The following ZMYND8 variants were observed in gnomAD, a reference collection of about 807,000 sequenced individuals.
ZMYND8 encodes the protein zinc finger MYND-type containing 8.
In ZMYND8, 37 loss-of-function variants were observed where a neutral mutation model predicts 140.8. That is an observed-to-expected ratio of 0.26 (90% CI 0.20 to 0.35). ZMYND8 has a LOEUF of 0.35. Ranked by LOEUF, ZMYND8 falls within the 10% of genes least tolerant of loss-of-function variation. The pLI is 1.00. For missense variants in ZMYND8, 1,068 were observed against 1,570.0 expected, an observed-to-expected ratio of 0.68 and a Z score of 5.40; for synonymous variants, 592 against 597.1, an observed-to-expected ratio of 0.99 and a Z score of 0.12.
At chr20:47,234,294 C>T (rs1451972183) in intron 16 of ZMYND8, among the ~76,000 whole-genome samples, 1 of 152,254 alleles carries the variant, frequency 6.6e-6, no homozygotes, top group Non-Finnish European at 1.5e-5. Flanking sequence ...TGCAATCCAC[C>T]CACCTCAGCC....
chr20:47,236,748 T>C (rs908363757), intron 15 of ZMYND8, among the ~76,000 whole-genome samples: 3 of 152,036 alleles, frequency 2.0e-5, no homozygotes, highest in East Asian at 3.8e-4. Flanking sequence ...GAGTGCATGC[T>C]AGGATGACCC....
At chr20:47,256,735 G>C (rs2074761494) in intron 12 of ZMYND8, among the ~76,000 whole-genome samples, 1 of 152,096 alleles carries the variant, frequency 6.6e-6, no homozygotes, top group Admixed American at 6.6e-5. Context: ...CTGGGCCCAG[G>C]CACTCCATGT....
At chr20:47,237,150 C>CTT (rs888571132) in intron 15 of ZMYND8, among the ~76,000 whole-genome samples, 1,574 of 140,676 alleles carry the variant, frequency 0.011, 11 homozygotes, top group African/African-American at 0.017. Context: ...TGGCAGCGCT[C>CTT]TTTTTTTTTT....
intron 8 of ZMYND8, 78 bp from the exon 9 acceptor site, chr20:47,283,726 T>C: frequency 6.9e-7 from 1 of 1,443,122 alleles, no homozygotes; most frequent in Non-Finnish European, 9.6e-7. Flanking sequence ...CTTGATGATT[T>C]TGAAGGTTAA....
chr20:47,279,489 TTAAA>T (rs541312400), intron 10 of ZMYND8, among the ~76,000 whole-genome samples: 3 of 146,616 alleles, frequency 2.0e-5, no homozygotes, highest in Admixed American at 1.4e-4. Context: ...GACCCCCCTC[TTAAA>T]TAAATAAATA....
At chr20:47,211,005 C>A in intron 22 of ZMYND8, 108 bp from the exon 23 acceptor site, 2 of 1,471,702 alleles carry the variant, frequency 1.4e-6, no homozygotes, top group Non-Finnish European at 1.8e-6. Context: ...CTTCCCCTCC[C>A]AATTGATGGT....
In ZMYND8 at chr20:47,268,181, C is replaced by G. The variant is rs190607406; in HGVS notation, c.1481-5753G>C. 4.5e-3 allele frequency among the ~76,000 whole-genome samples: 689 copies of G among 152,080 alleles called. 5 individuals are homozygous for G. The highest frequency in any genetic ancestry group is 0.016 in the African/African-American group (664 of 41,488). ...AGCAATAAACAAACAATGACGAGGCCGGTCGCAGTGAGTCTCGACTGGTCC... is the reference window on the plus strand; with the variant it reads ...AGCAATAAACAAACAATGACGAGGCGGGTCGCAGTGAGTCTCGACTGGTCC... On this transcript the variant is annotated intron_variant, in intron 11 of 22. Transcript: ENST00000471951.
At chr20:47,294,871 C>A in intron 4 of ZMYND8, 92 bp from the exon 5 acceptor site, 1 of 1,202,626 alleles carries the variant, frequency 8.3e-7, no homozygotes, top group Non-Finnish European at 1.2e-6. Flanking sequence ...AACTGACAGA[C>A]AAAAAGCAAT....
chr20:47,215,241 T>C (rs139747716), intron 21 of ZMYND8, among the ~76,000 whole-genome samples: 6,217 of 152,144 alleles, frequency 0.041, 437 homozygotes, highest in African/African-American at 0.14. Flanking sequence ...GGCGTGGTGG[T>C]GTATTCCTGT....
At position 47,210,664 on chromosome 20, in the gene ZMYND8, C is replaced by CTGAAAGTGGCTGTTCTCCTGCCT; in HGVS notation, c.*74_*96dup. On this transcript the variant is annotated 3_prime_UTR_variant, in exon 23 of 23. Coordinates refer to ENST00000471951, the MANE Select transcript of ZMYND8 (RefSeq NM_001281775.3). ...ACTGAGGGTTTTGTCATTTTCAAGT[C>CTGAAAGTGGCTGTTCTCCTGCCT]TGAAAGTGGCTGTTCTCCTGCCTTT... is the stretch of plus-strand genomic sequence containing the variant. 4 of 1,601,130 alleles carry CTGAAAGTGGCTGTTCTCCTGCCT rather than the reference C, an allele frequency of 2.5e-6. No homozygotes were observed. Among genetic ancestry groups the CTGAAAGTGGCTGTTCTCCTGCCT allele is most frequent in the Non-Finnish European group, 3.4e-6 (4 of 1,169,920 alleles).
chr20:47,217,702 G>A (rs1443294406), intron 21 of ZMYND8, among the ~76,000 whole-genome samples: 1 of 152,044 alleles, frequency 6.6e-6, no homozygotes, highest in Non-Finnish European at 1.5e-5. Context: ...TTGCTCATCT[G>A]TATAATGGAA....
intron 12 of ZMYND8, among the ~76,000 whole-genome samples, chr20:47,258,844 C>G (rs1292746463): frequency 6.6e-6 from 1 of 152,140 alleles, no homozygotes. Context: ...CCATCGGTCC[C>G]TAGCTGATCC....
intron 6 of ZMYND8, among the ~76,000 whole-genome samples, chr20:47,290,583 G>GTTTTTTTTTTTTTTTT (rs71183240): frequency 4.7e-5 from 3 of 64,104 alleles, no homozygotes; most frequent in African/African-American, 7.0e-5. Flanking sequence ...TATTTATTTA[G>GTTTTTTTTTTTTTTTT]TTTTTTTTTT....
chr20:47,311,712 C>CA (rs1332308899), intron 2 of ZMYND8, among the ~76,000 whole-genome samples: 1 of 152,190 alleles, frequency 6.6e-6, no homozygotes, highest in Admixed American at 6.5e-5. Context: ...ACTAAAAATA[C>CA]AAAAACAATT....
intron 3 of ZMYND8, among the ~76,000 whole-genome samples, chr20:47,305,824 G>A (rs2078438697): frequency 6.6e-6 from 1 of 152,164 alleles, no homozygotes; most frequent in African/African-American, 2.4e-5. Context: ...CCAACAGGAT[G>A]TTTGAACTCA....
intron 3 of ZMYND8, among the ~76,000 whole-genome samples, chr20:47,303,978 T>C (rs1003242525): frequency 5.3e-5 from 8 of 151,714 alleles, no homozygotes; most frequent in Non-Finnish European, 8.8e-5. Flanking sequence ...TCCTTATCAA[T>C]CAGATATTTT....
chr20:47,325,467 T>C (rs1269829455), intron 2 of ZMYND8, among the ~76,000 whole-genome samples: 2 of 152,148 alleles, frequency 1.3e-5, no homozygotes, highest in Non-Finnish European at 2.9e-5. Flanking sequence ...TTCCCCAGTC[T>C]AAGAATTTCT....
intron 2 of ZMYND8, among the ~76,000 whole-genome samples, chr20:47,334,605 A>AATATATAT (rs56937532): frequency 4.9e-5 from 7 of 141,704 alleles, no homozygotes; most frequent in Non-Finnish European, 7.6e-5. Flanking sequence ...GAAAAAAAAA[A>AATATATAT]ATATATATAT....
chr20:47,291,126 G>A (rs1035752991), intron 6 of ZMYND8, among the ~76,000 whole-genome samples: 1 of 152,106 alleles, frequency 6.6e-6, no homozygotes, highest in African/African-American at 2.4e-5. Flanking sequence ...ACCACACCAT[G>A]AAGGTATGTG....
Sources: allele counts gnomAD v4.1 joint callset (sites outside exome capture counted in the v4.1 genomes callset), GRCh38; gene constraint gnomAD v4.1.1; transcripts MANE v1.5; gene names NCBI Gene and HGNC (gene_info 2026-07-23, HGNC 2026-07-21).